The following ATXN7L1 variants were observed in gnomAD, a reference collection of about 807,000 sequenced individuals.
The protein encoded by ATXN7L1 is ataxin 7 like 1.
A neutral mutation model predicts 70.8 loss-of-function variants in ATXN7L1; 15 were observed. That is an observed-to-expected ratio of 0.21 (90% CI 0.14 to 0.33). ATXN7L1 has a LOEUF of 0.33. ATXN7L1 is among the 10% of genes least tolerant of loss of function. The pLI, the probability that ATXN7L1 is intolerant of heterozygous loss-of-function variation, is 1.00. For missense variants in ATXN7L1, 975 were observed against 1,097.1 expected, an observed-to-expected ratio of 0.89 and a Z score of 1.57; for synonymous variants, 440 against 445.1, an observed-to-expected ratio of 0.99 and a Z score of 0.14.
chr7:105,714,824 A>G (rs548242783), intron 3 of ATXN7L1, among the ~76,000 whole-genome samples: 5 of 152,196 alleles, frequency 3.3e-5, no homozygotes, highest in Non-Finnish European at 5.9e-5. Context: ...CAGCAAACAC[A>G]GCTACTTTTT....
At chr7:105,658,254 T>A (rs1801006765) in intron 4 of ATXN7L1, among the ~76,000 whole-genome samples, 1 of 150,630 alleles carries the variant, frequency 6.6e-6, no homozygotes, top group South Asian at 2.1e-4. Flanking sequence ...ACTTTTCCAA[T>A]GGATTACCCT....
At chr7:105,855,836 A>G (rs756161300) in intron 2 of ATXN7L1, among the ~76,000 whole-genome samples, 3 of 152,230 alleles carry the variant, frequency 2.0e-5, no homozygotes, top group Non-Finnish European at 2.9e-5. Flanking sequence ...TTTACATTGT[A>G]TTAGGTATTA....
chr7:105,658,761 T>G (rs1801103620), intron 4 of ATXN7L1, among the ~76,000 whole-genome samples: 1 of 152,136 alleles, frequency 6.6e-6, no homozygotes, highest in Non-Finnish European at 1.5e-5. Context: ...CTCGAACTCT[T>G]GACCTCAAAT....
At chr7:105,621,127 C>T (rs1562904651) in intron 8 of ATXN7L1, among the ~76,000 whole-genome samples, 1 of 152,200 alleles carries the variant, frequency 6.6e-6, no homozygotes, top group Non-Finnish European at 1.5e-5. Context: ...GTCTCGACCA[C>T]ATTTCTGCCT....
At chr7:105,622,896 G>A (rs1014694891) in intron 8 of ATXN7L1, among the ~76,000 whole-genome samples, 1 of 152,164 alleles carries the variant, frequency 6.6e-6, no homozygotes, top group African/African-American at 2.4e-5. Context: ...GGGACCATGC[G>A]TGAAAAGTAG....
At chr7:105,869,532 C>G (rs770476785) in intron 2 of ATXN7L1, among the ~76,000 whole-genome samples, 2 of 152,218 alleles carry the variant, frequency 1.3e-5, no homozygotes, top group Non-Finnish European at 2.9e-5. Context: ...CCAGCCACAA[C>G]TGCAAGACTC....
At chr7:105,830,335 A>C (rs1232332661) in intron 2 of ATXN7L1, among the ~76,000 whole-genome samples, 1 of 152,264 alleles carries the variant, frequency 6.6e-6, no homozygotes, top group Non-Finnish European at 1.5e-5. Flanking sequence ...TCTATCCTTC[A>C]AACAACAACA....
chr7:105,807,499 C>A (rs955322475), intron 2 of ATXN7L1, among the ~76,000 whole-genome samples: 1 of 152,200 alleles, frequency 6.6e-6, no homozygotes, highest in Non-Finnish European at 1.5e-5. Flanking sequence ...CAGGAATGGC[C>A]CCCCAGTTGT....
At chr7:105,867,206 ACCTTCCCAGGCTTAACATGGAAAT>A (rs1187930706) in intron 2 of ATXN7L1, among the ~76,000 whole-genome samples, 1 of 152,080 alleles carries the variant, frequency 6.6e-6, no homozygotes, top group Non-Finnish European at 1.5e-5. Flanking sequence ...TGCCCTTTGT[ACCTTCCCAGGCTTAACATGGAAAT>A]CATGAAAGCA....
intron 2 of ATXN7L1, among the ~76,000 whole-genome samples, chr7:105,811,064 T>C (rs1172085080): frequency 6.6e-6 from 1 of 152,192 alleles, no homozygotes; most frequent in Non-Finnish European, 1.5e-5. Context: ...CCTGAAAAGA[T>C]ATGGTGAAGT....
At position 105,716,009 on chromosome 7, in the gene ATXN7L1, G is replaced by C. The variant is rs12154655; in HGVS notation, c.356-50721C>G. On this transcript the variant is annotated intron_variant, in intron 3 of 11. Transcript: ENST00000419735. ...CTCCAAAAAAAGCTGGGGTGGAGGCGGGGGGGATGGGAAGAGAAAAAAGAG... is the reference window on the plus strand; with the variant it reads ...CTCCAAAAAAAGCTGGGGTGGAGGCCGGGGGGATGGGAAGAGAAAAAAGAG... Among the ~76,000 whole-genome samples the C allele has an allele frequency of 1.3e-3, 200 of 151,916 alleles. 1 individual carries two copies. Among genetic ancestry groups the C allele is most frequent in the African/African-American group, 4.6e-3 (190 of 41,426 alleles).
intron 5 of ATXN7L1, among the ~76,000 whole-genome samples, chr7:105,640,685 T>G (rs1225908472): frequency 1.3e-5 from 2 of 152,212 alleles, no homozygotes; most frequent in African/African-American, 4.8e-5. Flanking sequence ...CCACCACACC[T>G]GCCTGATTTT....
At chr7:105,671,104 CAAAAAAAAAAAAAAAAAAAA>C (rs71155469) in intron 3 of ATXN7L1, among the ~76,000 whole-genome samples, 1 of 89,706 alleles carries the variant, frequency 1.1e-5, no homozygotes, top group Admixed American at 1.3e-4. Flanking sequence ...GACTACGTCT[CAAAAAAAAAAAAAAAAAAAA>C]AAAAAAAAAT....
chr7:105,733,561 TCCATCCTTCCATCCATCCACCCATCCA>T (rs1563048694), intron 3 of ATXN7L1, among the ~76,000 whole-genome samples: 135 of 47,882 alleles, frequency 2.8e-3, no homozygotes, highest in African/African-American at 5.6e-3. Flanking sequence ...CATCCACCCA[TCCATCCTTCCATCCATCCACCCATCCA>T]TCCATCCATC....
intron 9 of ATXN7L1, among the ~76,000 whole-genome samples, 153 bp downstream of exon 9, chr7:105,620,047 G>C (rs1794699984): frequency 6.6e-6 from 1 of 152,214 alleles, no homozygotes; most frequent in South Asian, 2.1e-4. Context: ...AAACCATTAA[G>C]AAGAGCTGGT....
intron 2 of ATXN7L1, among the ~76,000 whole-genome samples, chr7:105,849,501 G>A (rs1030653247): frequency 6.6e-6 from 1 of 152,230 alleles, no homozygotes; most frequent in South Asian, 2.1e-4. Context: ...CATGCAGGCT[G>A]TACTGAAAGA....
intron 2 of ATXN7L1, among the ~76,000 whole-genome samples, chr7:105,813,564 C>T (rs181125642): frequency 7.0e-4 from 106 of 152,098 alleles, no homozygotes; most frequent in African/African-American, 2.4e-3. Context: ...CTCGAACTCC[C>T]GACCTCAGGT....
intron 7 of ATXN7L1, among the ~76,000 whole-genome samples, chr7:105,626,905 C>T (rs369621566): frequency 6.6e-6 from 1 of 152,156 alleles, no homozygotes; most frequent in Non-Finnish European, 1.5e-5. Context: ...CACGATCACC[C>T]GGAACATGAA....
chr7:105,616,137 G>A (rs558699982), intron 9 of ATXN7L1, among the ~76,000 whole-genome samples: 3 of 152,354 alleles, frequency 2.0e-5, no homozygotes, highest in Non-Finnish European at 2.9e-5. Flanking sequence ...GCTCACTAGC[G>A]ATTAGGAACT....
Sources: gnomAD v4.1 joint callset for allele counts (sites outside exome capture counted in the v4.1 genomes callset) on GRCh38, gnomAD v4.1.1 for gene constraint, MANE v1.5 for transcripts, NCBI Gene and HGNC (gene_info 2026-07-23, HGNC 2026-07-21) for gene names.